KIAA1614: variants seen among roughly 807,000 people sequenced by gnomAD.
KIAA1614 encodes uncharacterized protein KIAA1614.
Under a neutral mutation model 88.7 loss-of-function variants are expected in KIAA1614, and 76 were observed. The ratio of observed to expected loss-of-function variants is 0.86; its 90% confidence interval spans 0.71 to 1.04. The LOEUF (loss-of-function observed/expected upper bound fraction) is 1.04. Among genes scored for constraint, KIAA1614 ranks in the 50% least tolerant of loss-of-function variants. The probability of loss-of-function intolerance (pLI) is 0.00; values close to 1 mark genes in which losing one functional copy is unlikely to be tolerated. For missense variants in KIAA1614, 1,553 were observed against 1,582.5 expected (o/e 0.98, Z 0.32); for synonymous variants, 714 against 675.5 (o/e 1.06, Z -0.88).
In KIAA1614 at chr1:180,947,999, T is replaced by C. The variant is rs1654634723; in HGVS notation, c.*2411T>C. On this transcript the variant is annotated 3_prime_UTR_variant, in exon 9 of 9. Coordinates refer to ENST00000367588, the MANE Select transcript of KIAA1614 (RefSeq NM_020950.2). ...CCCAGAGTCCCTTTTTGCTCCCTTGTAGGCAGTGGGAGCCCCTCCCTGTCA... is the reference window on the plus strand; with the variant it reads ...CCCAGAGTCCCTTTTTGCTCCCTTGCAGGCAGTGGGAGCCCCTCCCTGTCA... 1 of 152,244 alleles carries C rather than the reference T, an allele frequency of 6.6e-6. No homozygotes were observed. The highest frequency in any genetic ancestry group is 2.4e-5 in the African/African-American group (1 of 41,462). The allele number at this position is 152,244 out of a possible 1,614,324, so 9.4% of individuals were successfully genotyped here.
intron 4 of KIAA1614, among the ~76,000 whole-genome samples, chr1:180,929,678 G>A (rs150625952): frequency 9.3e-4 from 141 of 152,316 alleles, no homozygotes; most frequent in Non-Finnish European, 1.7e-3. Flanking sequence ...TCACTTACAT[G>A]TGGACTTCAC....
At chr1:180,927,556 A>G (rs1654096185) in intron 3 of KIAA1614, among the ~76,000 whole-genome samples, 1 of 152,144 alleles carries the variant, frequency 6.6e-6, no homozygotes, top group Non-Finnish European at 1.5e-5. Flanking sequence ...GGCTGGGGAG[A>G]GCAAGCTCCG....
chr1:180,918,574 C>T (rs532010141), intron 3 of KIAA1614, among the ~76,000 whole-genome samples: 2 of 152,298 alleles, frequency 1.3e-5, no homozygotes, highest in East Asian at 3.9e-4. Context: ...GCAGCTGGCA[C>T]CTGCACAGAG....
In KIAA1614 at chr1:180,950,860, C is replaced by A. The variant is rs904543626; in HGVS notation, c.*5272C>A. On this transcript the variant is annotated 3_prime_UTR_variant, in exon 9 of 9. Transcript: ENST00000367588. ...GATTCAGTGGATCCTTTGGTTGATGCCTGAGAGCCGGCCTCACCTCCTGGT... is the reference window on the plus strand; with the variant it reads ...GATTCAGTGGATCCTTTGGTTGATGACTGAGAGCCGGCCTCACCTCCTGGT... The A allele has an allele frequency of 6.6e-6, 1 of 152,670 alleles. No homozygotes were observed. The highest frequency in any genetic ancestry group is 2.1e-4 in the South Asian group (1 of 4,850). 9.5% of individuals were successfully genotyped at this position (152,670 alleles called of 1,614,324 possible).
Position 180,935,395 on chromosome 1 carries a change from G to A in KIAA1614, c.1486G>A (p.Asp496Asn). The change falls in exon 5 of 9, where the codon GAC becomes AAC. Residue 496 changes from aspartate to asparagine, a missense_variant. Coordinates refer to ENST00000367588, the MANE Select transcript of KIAA1614 (RefSeq NM_020950.2). This position sits in a 1 kb window ranked among gnomAD's most constrained non-coding sequence, Gnocchi z 6.1. ...GPLRSKPDLA[D>N]YINGAPRLRD... ...CCTGCGCTCCAAGCCCGACCTCGCCGACTACATCAACGGGGCTCCCCGGCT... is the reference window on the plus strand; with the variant it reads ...CCTGCGCTCCAAGCCCGACCTCGCCAACTACATCAACGGGGCTCCCCGGCT... 2 of 1,471,506 alleles carry A rather than the reference G, an allele frequency of 1.4e-6. No homozygotes were observed. Among genetic ancestry groups the A allele is most frequent in the South Asian group, 1.4e-5 (1 of 70,958 alleles). The allele number at this position is 1,471,506 out of a possible 1,614,324, so 91.2% of individuals were successfully genotyped here.
At chr1:180,923,386 C>T (rs929880489) in intron 3 of KIAA1614, among the ~76,000 whole-genome samples, 1 of 152,194 alleles carries the variant, frequency 6.6e-6, no homozygotes, top group African/African-American at 2.4e-5. Flanking sequence ...AGACACTCTG[C>T]TCATTCCTGA....
In KIAA1614 at chr1:180,945,519, C is replaced by T. The variant is rs992941970; in HGVS notation, c.3504C>T (p.Gly1168=). The T allele has an allele frequency of 3.7e-6, 6 of 1,613,682 alleles. No homozygotes were observed. Among genetic ancestry groups the T allele is most frequent in the African/African-American group, 1.3e-5 (1 of 75,048 alleles). Residue 1168 remains glycine, a synonymous_variant, in exon 9 of 9, where the codon GGC becomes GGT. Coordinates refer to ENST00000367588, the MANE Select transcript of KIAA1614 (RefSeq NM_020950.2). ...GMPSPLPQPH[G]WGGLSKQGRA... Reference sequence around the variant, plus strand: ...CCTCTCCTCTTCCTCAGCCCCATGGCTGGGGCGGCCTTAGCAAACAAGGCA... The same window carrying T: ...CCTCTCCTCTTCCTCAGCCCCATGGTTGGGGCGGCCTTAGCAAACAAGGCA...
In KIAA1614 at chr1:180,928,572, C is replaced by A. The variant is rs150309236; in HGVS notation, c.1204C>A (p.Arg402=). The part of the protein sequence containing the change: ...DIVPTITQGS[R]DGHRSPARDP... ...CGTGCCCACCATTACCCAGGGCAGC[C>A]GGTGAGTGGGACCTGGGCCAGGCTA... The change falls in exon 4 of 9, where the codon CGA becomes AGA. Residue 402 remains arginine, a splice_region_variant and synonymous_variant. Coordinates refer to ENST00000367588, the MANE Select transcript of KIAA1614 (RefSeq NM_020950.2). 4.3e-6 allele frequency: 7 copies of A among 1,611,282 alleles called. No homozygotes were observed. The highest frequency in any genetic ancestry group is 5.9e-6 in the Non-Finnish European group (7 of 1,178,980).
rs769403924 is a variant in KIAA1614, at chr1:180,945,870, C to T, written c.*282C>T. On this transcript the variant is annotated 3_prime_UTR_variant, in exon 9 of 9. Transcript: ENST00000367588. ...CTGTAATCCCAGAACTTTGGGAGGC[C>T]GAGGCGCCTGGATCACCTGAGGTCA... is the stretch of plus-strand genomic sequence containing the variant. The T allele has an allele frequency of 2.5e-5, 28 of 1,102,778 alleles. No individual in the cohort carries two copies. Among genetic ancestry groups the T allele is most frequent in the Middle Eastern group, 3.6e-4 (1 of 2,776 alleles). The allele number at this position is 1,102,778 out of a possible 1,614,324, so 68.3% of individuals were successfully genotyped here. A position where few individuals can be genotyped will look rare whatever the true frequency, so the allele number is the denominator to read the frequency against.
chr1:180,950,282 A>C lies in KIAA1614; in HGVS notation c.*4694A>C. ...ACCTCATCAACATGGTCAGCATTCCAGAGATGCACTTCTTCGATTTGGGTG... is the reference window on the plus strand; with the variant it reads ...ACCTCATCAACATGGTCAGCATTCCCGAGATGCACTTCTTCGATTTGGGTG... On this transcript the variant is annotated 3_prime_UTR_variant, in exon 9 of 9. Transcript: ENST00000367588. 7 of 1,095,708 alleles carry C rather than the reference A, an allele frequency of 6.4e-6. No individual in the cohort carries two copies. The highest frequency in any genetic ancestry group is 1.7e-5 in the African/African-American group (1 of 58,872). The allele number at this position is 1,095,708 out of a possible 1,614,324, so 67.9% of individuals were successfully genotyped here. A position where few individuals can be genotyped will look rare whatever the true frequency, so the allele number is the denominator to read the frequency against.
At chr1:180,929,852 G>C (rs76620744) in intron 4 of KIAA1614, among the ~76,000 whole-genome samples, 1 of 152,132 alleles carries the variant, frequency 6.6e-6, no homozygotes, top group South Asian at 2.1e-4. Context: ...GAATCACCAC[G>C]TGGCAGTGGA....
intron 2 of KIAA1614, 31 bp from the exon 3 acceptor site, chr1:180,917,820 T>C: frequency 5.0e-6 from 8 of 1,602,798 alleles, no homozygotes; most frequent in Non-Finnish European, 6.0e-6. Context: ...TCTGGCTCTG[T>C]CCTGATCTCT....
intron 3 of KIAA1614, 151 bp from the exon 4 acceptor site, chr1:180,928,279 G>T: frequency 1.0e-6 from 1 of 963,508 alleles, no homozygotes; most frequent in Non-Finnish European, 1.5e-6. Context: ...CCCAGGCTGG[G>T]TTCCCTGTGC....
intron 5 of KIAA1614, among the ~76,000 whole-genome samples, chr1:180,938,033 C>G (rs1289358943): frequency 6.6e-6 from 1 of 152,326 alleles, no homozygotes; most frequent in East Asian, 1.9e-4. Flanking sequence ...GCACCATCTC[C>G]TAGGACTCCG....
intron 5 of KIAA1614, among the ~76,000 whole-genome samples, chr1:180,937,959 C>A (rs1654370014): frequency 6.6e-6 from 1 of 152,178 alleles, no homozygotes; most frequent in South Asian, 2.1e-4. Context: ...GAGTGAGGCC[C>A]TCGGCGAGTC....
rs549951549 is a variant in KIAA1614, at chr1:180,951,353, T to C, written c.*5765T>C. The C allele has an allele frequency of 6.6e-6, 1 of 152,344 alleles. No individual in the cohort carries two copies. The highest frequency in any genetic ancestry group is 2.1e-4 in the South Asian group (1 of 4,822). The allele number at this position is 152,344 out of a possible 1,614,324, so 9.4% of individuals were successfully genotyped here. A position where few individuals can be genotyped will look rare whatever the true frequency, so the allele number is the denominator to read the frequency against. On this transcript the variant is annotated 3_prime_UTR_variant, in exon 9 of 9. Coordinates refer to ENST00000367588, the MANE Select transcript of KIAA1614 (RefSeq NM_020950.2). The stretch of plus-strand genomic sequence containing the variant: ...GCAAGAGTTGCTGCAACCTGACCTG[T>C]GGCAGCCTCCATCTTAGTTCTGTCC...
intron 5 of KIAA1614, among the ~76,000 whole-genome samples, chr1:180,936,912 C>A (rs145799961): frequency 6.6e-6 from 1 of 152,144 alleles, no homozygotes; most frequent in East Asian, 1.9e-4. Context: ...AACTCCCTCC[C>A]GGGGGAGGCA....
In KIAA1614 at chr1:180,944,565, C is replaced by T. The variant is rs182324253; in HGVS notation, c.3287+49C>T. The T allele has an allele frequency of 5.1e-3, 8,090 of 1,589,746 alleles. 26 individuals carry two copies. Among genetic ancestry groups the T allele is most frequent in the Non-Finnish European group, 6.2e-3 (7,262 of 1,165,186 alleles). Reference sequence around the variant, plus strand: ...GAGGATAAACTCAGAGAGTGACCAGCGGAGCCAAAAGCTTAACTCCTTCCT... The same window carrying T: ...GAGGATAAACTCAGAGAGTGACCAGTGGAGCCAAAAGCTTAACTCCTTCCT... On this transcript the variant is annotated intron_variant, in intron 8 of 8. Coordinates refer to ENST00000367588, the MANE Select transcript of KIAA1614 (RefSeq NM_020950.2).
In KIAA1614 at chr1:180,916,618, C is replaced by T. The variant is rs200901437; in HGVS notation, c.515C>T (p.Pro172Leu). 725 of 1,601,694 alleles carry T rather than the reference C, an allele frequency of 4.5e-4. 1 individual carries two copies. Among genetic ancestry groups the T allele is most frequent in the Admixed American group, 3.8e-3 (224 of 59,214 alleles). Residue 172 changes from proline to leucine, a missense_variant, in exon 2 of 9, where the codon CCG becomes CTG. Transcript: ENST00000367588. ...ARDGGPRLPR[P>L]PAPGREYCNR... The stretch of plus-strand genomic sequence containing the variant: ...GATGGAGGCCCCAGGCTTCCCAGGC[C>T]GCCTGCCCCTGGACGTGAGTACTGC...
Sources: gnomAD v4.1 joint callset for allele counts (sites outside exome capture counted in the v4.1 genomes callset) on GRCh38, gnomAD v4.1.1 for gene constraint, Gnocchi (gnomAD v3.1) non-coding constraint, MANE v1.5 for transcripts, NCBI Gene and HGNC (gene_info 2026-07-23, HGNC 2026-07-21) for gene names.